Variants in GRM1 observed in about 807,000 individuals in gnomAD.
GRM1 encodes the protein metabotropic glutamate receptor 1.
GRM1 carries 33 observed loss-of-function variants against 90.9 expected under a neutral mutation model. That is an observed-to-expected ratio of 0.36 (90% CI 0.28 to 0.49). GRM1 has a LOEUF of 0.49. GRM1 is among the 20% of genes least tolerant of loss of function. The pLI is 0.99. For synonymous variants in GRM1, 700 were observed against 613.2 expected (o/e 1.14, Z -2.09); for missense variants, 1,190 against 1,534.3 (o/e 0.78, Z 3.75).
chr6:146,210,394 T>G (rs1358406064), intron 2 of GRM1, among the ~76,000 whole-genome samples: 1 of 152,238 alleles, frequency 6.6e-6, no homozygotes, highest in Non-Finnish European at 1.5e-5. Context: ...GCAGACACAC[T>G]GCAAGATGCC....
At chr6:146,349,044 CTATTATTAT>C (rs71028388) in intron 3 of GRM1, among the ~76,000 whole-genome samples, 6,035 of 141,496 alleles carry the variant, frequency 0.043, 389 homozygotes, top group African/African-American at 0.15. Flanking sequence ...GAAGTGGTAG[CTATTATTAT>C]TATTATTATT....
chr6:146,216,041 G>A (rs1216262660), intron 2 of GRM1, among the ~76,000 whole-genome samples: 1 of 152,174 alleles, frequency 6.6e-6, no homozygotes, highest in Non-Finnish European at 1.5e-5. Context: ...ACAGGCGTGA[G>A]CCACAGCACC....
chr6:146,281,178 A>C (rs1583269021), intron 2 of GRM1, among the ~76,000 whole-genome samples: 1 of 152,136 alleles, frequency 6.6e-6, no homozygotes, highest in Non-Finnish European at 1.5e-5. Context: ...ATTTGTTTTG[A>C]GCCTAACTTT....
chr6:146,336,976 T>C (rs896297372), intron 3 of GRM1, among the ~76,000 whole-genome samples: 7 of 152,384 alleles, frequency 4.6e-5, no homozygotes, highest in African/African-American at 1.7e-4. Flanking sequence ...CTTTACTTCC[T>C]GTTTCCAAGG....
At chr6:146,059,709 C>G (rs76467020) in intron 1 of GRM1, among the ~76,000 whole-genome samples, 3,389 of 152,262 alleles carry the variant, frequency 0.022, 50 homozygotes, top group Admixed American at 0.032. Context: ...CATCAATTAT[C>G]TTATGTAGAT....
At chr6:146,089,087 T>A (rs1226910641) in intron 1 of GRM1, among the ~76,000 whole-genome samples, 1 of 152,110 alleles carries the variant, frequency 6.6e-6, no homozygotes, top group African/African-American at 2.4e-5. Flanking sequence ...AGGTCACTTC[T>A]GTTATTGTTC....
intron 2 of GRM1, among the ~76,000 whole-genome samples, chr6:146,236,747 G>A (rs1780659920): frequency 6.6e-6 from 1 of 152,068 alleles, no homozygotes; most frequent in East Asian, 1.9e-4. Context: ...GAGTCTTAAG[G>A]TATTTGTCAT....
chr6:146,028,718 T>C (rs1352196609), upstream of GRM1, among the ~76,000 whole-genome samples: 1 of 152,204 alleles, frequency 6.6e-6, no homozygotes, highest in East Asian at 1.9e-4. Context: ...TGTCAGGGCT[T>C]CTTCAACCCC....
rs149493838 is a variant in GRM1 at position 146,262,374 on chromosome 6, A to C, written c.951-42237A>C. On this transcript the variant is annotated intron_variant, in intron 2 of 7. Transcript: ENST00000282753. ...ATTTTCATCTCACAGCATATACCAAAAGTATCTTAAGTAAATTAAACTATA... is the reference window on the plus strand; with the variant it reads ...ATTTTCATCTCACAGCATATACCAACAGTATCTTAAGTAAATTAAACTATA... 3.5e-4 allele frequency among the ~76,000 whole-genome samples: 54 copies of C among 152,152 alleles called. No homozygotes were observed. The East Asian group carries it at 0.01, about 29-fold the overall frequency.
intron 2 of GRM1, among the ~76,000 whole-genome samples, chr6:146,189,639 G>T (rs773658575): frequency 1.7e-4 from 26 of 152,088 alleles, no homozygotes; most frequent in Non-Finnish European, 4.4e-5. Context: ...TACAAGTGAA[G>T]ATAGGCACTT....
intron 2 of GRM1, among the ~76,000 whole-genome samples, chr6:146,206,523 C>G (rs1028297603): frequency 6.6e-6 from 1 of 152,094 alleles, no homozygotes; most frequent in Non-Finnish European, 1.5e-5. Flanking sequence ...GAGGCAGCCT[C>G]ATTCTTGTAT....
At chr6:146,087,300 T>A (rs747123451) in intron 1 of GRM1, among the ~76,000 whole-genome samples, 1 of 152,098 alleles carries the variant, frequency 6.6e-6, no homozygotes, top group Non-Finnish European at 1.5e-5. Context: ...TATGAAGAGG[T>A]CCTATCTGCC....
intron 3 of GRM1, among the ~76,000 whole-genome samples, chr6:146,341,087 G>T (rs1196482496): frequency 1.3e-5 from 2 of 152,166 alleles, no homozygotes; most frequent in African/African-American, 4.8e-5. Context: ...AACCAGGACT[G>T]CCCTCAACTA....
intron 2 of GRM1, among the ~76,000 whole-genome samples, chr6:146,205,437 A>G (rs535501661): frequency 2.0e-5 from 3 of 152,284 alleles, no homozygotes; most frequent in African/African-American, 7.2e-5. Flanking sequence ...TTAGGAAGCA[A>G]ATTCTTAATA....
Position 146,029,535 on chromosome 6 carries a change from G to A in GRM1, c.18G>A (p.Leu6=), listed in dbSNP as rs745933615. The A allele has an allele frequency of 6.2e-7, 1 of 1,612,816 alleles. No homozygotes were observed. The highest frequency in any genetic ancestry group is 1.3e-5 in the African/African-American group (1 of 74,786). MVGLL[L]FFFPAIFLEV... ...TCACCACCATGGTCGGGCTCCTTTT[G>A]TTTTTTTTCCCAGCGATCTTTTTGG... is the stretch of plus-strand genomic sequence containing the variant. The change falls in exon 1 of 8, where the codon TTG becomes TTA. Residue 6 remains leucine (L), a synonymous_variant. Transcript: ENST00000282753.
Position 146,274,943 on chromosome 6 carries a change from T to C in GRM1, c.951-29668T>C, listed in dbSNP as rs542667370. ...CACTCAGGAGGCTGAGGCACAAGAA[T>C]GGTTTGAATCCAGGAGGTGGAGTTT... On this transcript the variant is annotated intron_variant, in intron 2 of 7. Transcript: ENST00000282753. Among the ~76,000 whole-genome samples the C allele has an allele frequency of 1.3e-4, 20 of 152,116 alleles. No individual in the cohort carries two copies. The South Asian group carries it at 3.7e-3, about 28-fold the overall frequency.
In GRM1 at chr6:146,211,240, A is replaced by G. The variant is rs372273265; in HGVS notation, c.950+51643A>G. ...TTTGTCTTTGGCCCAGAGAGTTTTT[A>G]TCCACTGTCTTGGAAGAAGTTGACA... On this transcript the variant is annotated intron_variant, in intron 2 of 7. Transcript: ENST00000282753. Among the ~76,000 whole-genome samples the G allele has an allele frequency of 1.2e-4, 18 of 152,114 alleles. No individual in the cohort carries two copies. In the East Asian group the frequency reaches 2.3e-3, roughly 20 times the overall value.
chr6:146,352,181 G>A, intron 3 of GRM1, 69 bp from the exon 4 acceptor site: 1 of 1,529,904 alleles, frequency 6.5e-7, no homozygotes. Context: ...AAAAGCATTT[G>A]AGAATTAAAC....
At chr6:146,050,224 A>G (rs1033701398) in intron 1 of GRM1, among the ~76,000 whole-genome samples, 2 of 152,010 alleles carry the variant, frequency 1.3e-5, no homozygotes, top group African/African-American at 4.8e-5. Context: ...AGCCCAACTC[A>G]TTACCAATTC....
Sources: gnomAD v4.1 joint callset for allele counts (sites outside exome capture counted in the v4.1 genomes callset) on GRCh38, gnomAD v4.1.1 for gene constraint, MANE v1.5 for transcripts, NCBI Gene and HGNC (gene_info 2026-07-23, HGNC 2026-07-21) for gene names.